Variants in CNST observed in about 807,000 individuals in gnomAD.
CNST encodes the protein consortin, connexin sorting protein.
Under a neutral mutation model 72.4 loss-of-function variants are expected in CNST, and 39 were observed. The ratio of observed to expected loss-of-function variants is 0.54; its 90% confidence interval spans 0.42 to 0.70. The LOEUF is 0.70. Among genes scored for constraint, CNST ranks in the 30% least tolerant of loss-of-function variants. The pLI is 0.00. For missense variants in CNST, 871 were observed against 868.5 expected, an observed-to-expected ratio of 1.00 and a Z score of -0.04; for synonymous variants, 332 against 320.1, an observed-to-expected ratio of 1.04 and a Z score of -0.40.
intron 9 of CNST, among the ~76,000 whole-genome samples, chr1:246,651,841 GA>G (rs995201493): frequency 1.3e-5 from 2 of 151,764 alleles, no homozygotes; most frequent in Admixed American, 6.6e-5. Flanking sequence ...AGATTTTTAA[GA>G]AAAAAAATGA....
chr1:246,626,084 T>A (rs1397317565), intron 3 of CNST, among the ~76,000 whole-genome samples: 4 of 151,324 alleles, frequency 2.6e-5, no homozygotes, highest in Admixed American at 6.6e-5. Context: ...TTTTTCCCAC[T>A]CTGTCACCAG....
chr1:246,585,641 C>CA (rs543693321), intron 1 of CNST, among the ~76,000 whole-genome samples: 898 of 42,840 alleles, frequency 0.021, 40 homozygotes, highest in Non-Finnish European at 0.024. Flanking sequence ...GACTCTGTCT[C>CA]AAAAAAAAAA....
At chr1:246,578,855 C>T (rs3007410) in intron 1 of CNST, among the ~76,000 whole-genome samples, 32,686 of 152,116 alleles carry the variant, frequency 0.21, 4,640 homozygotes, top group Middle Eastern at 0.37. Context: ...GCCAGTCTGC[C>T]TAGGTTGAGT....
chr1:246,607,189 T>C (rs1662912518), intron 2 of CNST: 1 of 151,830 alleles, frequency 6.6e-6, no homozygotes, highest in South Asian at 2.1e-4. Flanking sequence ...ACTGGGTTGG[T>C]AAGTGTCCAG....
At chr1:246,659,366 G>A (rs1014451794) in intron 9 of CNST, among the ~76,000 whole-genome samples, 11 of 152,240 alleles carry the variant, frequency 7.2e-5, no homozygotes, top group South Asian at 2.1e-4. Context: ...AGGCCAAGGC[G>A]GGCAGATCAC....
At chr1:246,588,000 A>G (rs1661301095) in intron 1 of CNST, among the ~76,000 whole-genome samples, 1 of 152,056 alleles carries the variant, frequency 6.6e-6, no homozygotes, top group Admixed American at 6.5e-5. Context: ...TTATCTTCAC[A>G]TTTATTCTTG....
chr1:246,579,793 G>A (rs1005256846), intron 1 of CNST, among the ~76,000 whole-genome samples: 1 of 152,122 alleles, frequency 6.6e-6, no homozygotes, highest in Non-Finnish European at 1.5e-5. Context: ...GTCCTCAGCA[G>A]AGTAAATAAA....
intron 2 of CNST, among the ~76,000 whole-genome samples, chr1:246,598,513 A>G (rs1288490483): frequency 6.6e-6 from 1 of 152,200 alleles, no homozygotes; most frequent in Non-Finnish European, 1.5e-5. Context: ...TGTCAGATGC[A>G]ACCTGCTTTT....
intron 1 of CNST, among the ~76,000 whole-genome samples, chr1:246,569,135 T>C (rs539465151): frequency 5.3e-5 from 8 of 152,212 alleles, no homozygotes; most frequent in Admixed American, 6.5e-5. Flanking sequence ...CAGTCTTCAA[T>C]AGAAATACAA....
intron 1 of CNST, among the ~76,000 whole-genome samples, chr1:246,567,258 TAA>T (rs1245584600): frequency 1.3e-5 from 2 of 152,194 alleles, no homozygotes; most frequent in African/African-American, 4.8e-5. Context: ...ATTCCTTATG[TAA>T]ACTTAGTCAA....
chr1:246,573,768 C>T (rs1198286624), intron 1 of CNST, among the ~76,000 whole-genome samples: 1 of 152,206 alleles, frequency 6.6e-6, no homozygotes, highest in East Asian at 1.9e-4. Flanking sequence ...ACTAAAGCTT[C>T]CATGTACTTG....
At chr1:246,619,031 G>A (rs1010960380) in intron 2 of CNST, among the ~76,000 whole-genome samples, 3 of 152,046 alleles carry the variant, frequency 2.0e-5, no homozygotes, top group African/African-American at 7.2e-5. Context: ...GAAGCCTGGA[G>A]TAATACCCTG....
intron 9 of CNST, among the ~76,000 whole-genome samples, chr1:246,657,799 A>C (rs1437298328): frequency 6.6e-6 from 1 of 152,090 alleles, no homozygotes; most frequent in Non-Finnish European, 1.5e-5. Flanking sequence ...TTTCCAGATG[A>C]TTTCAGGAGC....
intron 9 of CNST, among the ~76,000 whole-genome samples, chr1:246,654,697 T>C (rs1393693852): frequency 1.3e-5 from 2 of 152,240 alleles, no homozygotes; most frequent in Admixed American, 6.5e-5. Context: ...GCTTTTTTTC[T>C]TAGTTCACTT....
At chr1:246,640,387 C>A (rs1170684475) in intron 6 of CNST, among the ~76,000 whole-genome samples, 1 of 152,034 alleles carries the variant, frequency 6.6e-6, no homozygotes, top group Non-Finnish European at 1.5e-5. Flanking sequence ...CAAAATCTTG[C>A]AGAAGAAAAG....
intron 1 of CNST, among the ~76,000 whole-genome samples, chr1:246,570,493 A>C (rs909445165): frequency 6.6e-6 from 1 of 152,214 alleles, no homozygotes; most frequent in African/African-American, 2.4e-5. Flanking sequence ...CCTCTTCTCA[A>C]CCTTTATAGT....
At chr1:246,664,421 G>A (rs1195658149) in intron 10 of CNST, among the ~76,000 whole-genome samples, 1 of 150,860 alleles carries the variant, frequency 6.6e-6, no homozygotes, top group African/African-American at 2.4e-5. Flanking sequence ...AGTTAACACT[G>A]TCTTTTTTTC....
At chr1:246,654,687 G>C (rs971242777) in intron 9 of CNST, among the ~76,000 whole-genome samples, 3 of 152,118 alleles carry the variant, frequency 2.0e-5, no homozygotes, top group African/African-American at 7.2e-5. Context: ...ACACAGTAAG[G>C]CTTTTTTTCT....
intron 10 of CNST, among the ~76,000 whole-genome samples, chr1:246,664,636 C>T (rs1240035341): frequency 1.3e-5 from 2 of 151,888 alleles, no homozygotes; most frequent in Non-Finnish European, 2.9e-5. Flanking sequence ...CCGTGTCAGC[C>T]AGGATGGTCT....
Sources: gnomAD v4.1 joint callset for allele counts (sites outside exome capture counted in the v4.1 genomes callset) on GRCh38, gnomAD v4.1.1 for gene constraint, MANE v1.5 for transcripts, NCBI Gene and HGNC (gene_info 2026-07-23, HGNC 2026-07-21) for gene names.